The following ENTREP2 variants were observed in gnomAD, a reference collection of about 807,000 sequenced individuals.
ENTREP2 encodes the protein protein ENTREP2.
chr15:29,171,675 A>ATTT, the ENTREP2 span, among the ~76,000 whole-genome samples: 1 of 152,214 alleles, frequency 6.6e-6, no homozygotes, highest in Non-Finnish European at 1.5e-5. Flanking sequence ...TACTCATAAA[A>ATTT]GGTCTCAAGT....
At chr15:29,327,979 T>C in the ENTREP2 span, among the ~76,000 whole-genome samples, 1 of 152,220 alleles carries the variant, frequency 6.6e-6, no homozygotes. Flanking sequence ...AACACCTGCA[T>C]GTGATTGTTT....
At chr15:29,508,025 G>A in the ENTREP2 span, among the ~76,000 whole-genome samples, 1 of 151,992 alleles carries the variant, frequency 6.6e-6, no homozygotes, top group Non-Finnish European at 1.5e-5. Context: ...GAGGAAAAGA[G>A]AGAAAACTCA....
chr15:29,188,870 A>G, the ENTREP2 span, among the ~76,000 whole-genome samples: 598 of 152,296 alleles, frequency 3.9e-3, 7 homozygotes, highest in African/African-American at 0.013. Context: ...CAGCTTAAAT[A>G]AAAGTCCCTG....
chr15:29,157,084 G>A, the ENTREP2 span, among the ~76,000 whole-genome samples: 1 of 152,128 alleles, frequency 6.6e-6, no homozygotes, highest in Non-Finnish European at 1.5e-5. Flanking sequence ...GCGACAAAGC[G>A]AGACTCTGTC....
At chr15:29,237,883 C>T in the ENTREP2 span, among the ~76,000 whole-genome samples, 34 of 152,094 alleles carry the variant, frequency 2.2e-4, no homozygotes, top group African/African-American at 8.0e-4. Context: ...AATATATGCA[C>T]ATAAAAACTT....
At chr15:29,320,184 C>A in the ENTREP2 span, among the ~76,000 whole-genome samples, 3 of 152,100 alleles carry the variant, frequency 2.0e-5, no homozygotes, top group African/African-American at 7.2e-5. Flanking sequence ...GAAATTTCAT[C>A]ATCAGAGTAA....
chr15:29,275,463 G>C, the ENTREP2 span, among the ~76,000 whole-genome samples: 6 of 152,176 alleles, frequency 3.9e-5, no homozygotes, highest in African/African-American at 1.4e-4. Flanking sequence ...TGTTCAGGCA[G>C]TGAAGTCACA....
the ENTREP2 span, among the ~76,000 whole-genome samples, chr15:29,285,239 C>A: frequency 6.6e-6 from 1 of 152,118 alleles, no homozygotes. Context: ...TGGAGGGAGC[C>A]TGAAAAGTGG....
At chr15:29,638,575 G>C in the ENTREP2 span, among the ~76,000 whole-genome samples, 1 of 152,136 alleles carries the variant, frequency 6.6e-6, no homozygotes. Flanking sequence ...GGATTTCTGT[G>C]CAATTAATAA....
the ENTREP2 span, chr15:29,375,666 G>T: frequency 6.6e-6 from 1 of 152,126 alleles, no homozygotes; most frequent in African/African-American, 2.4e-5. Context: ...CTTCCTGGAG[G>T]CCACAAATTA....
At chr15:29,123,972 C>T in the ENTREP2 span, among the ~76,000 whole-genome samples, 1 of 152,232 alleles carries the variant, frequency 6.6e-6, no homozygotes, top group Non-Finnish European at 1.5e-5. Context: ...GTCTTCTCGC[C>T]TCCACGACCT....
chr15:29,482,290 G>A, the ENTREP2 span, among the ~76,000 whole-genome samples: 4 of 151,878 alleles, frequency 2.6e-5, no homozygotes, highest in African/African-American at 9.7e-5. Context: ...GATTACAGGC[G>A]TGAGCCACCA....
At chr15:29,303,459 T>C in the ENTREP2 span, among the ~76,000 whole-genome samples, 1 of 152,206 alleles carries the variant, frequency 6.6e-6, no homozygotes, top group Non-Finnish European at 1.5e-5. Context: ...GGGTTTTTTT[T>C]CAGCCTTTTA....
At chr15:29,389,104 AAAGTAT>A in the ENTREP2 span, among the ~76,000 whole-genome samples, 1 of 151,940 alleles carries the variant, frequency 6.6e-6, no homozygotes, top group African/African-American at 2.4e-5. Flanking sequence ...CCTAGAACTT[AAAGTAT>A]AATTTAAAAA....
the ENTREP2 span, chr15:29,137,304 T>G: frequency 9.9e-7 from 1 of 1,008,042 alleles, no homozygotes; most frequent in Non-Finnish European, 1.4e-6. Flanking sequence ...GCCTGTAATT[T>G]CAACTGTCAA....
chr15:29,265,217 G>C, the ENTREP2 span: 1 of 151,992 alleles, frequency 6.6e-6, no homozygotes. Context: ...CAAGAATAAG[G>C]AATCAGAAAC....
chr15:29,252,445 C>T, the ENTREP2 span: 10 of 1,550,984 alleles, frequency 6.4e-6, 1 homozygote, highest in South Asian at 7.1e-5. Context: ...TTCAGCATTA[C>T]ACACACTGCA....
At chr15:29,130,761 T>G in the ENTREP2 span, among the ~76,000 whole-genome samples, 16 of 152,292 alleles carry the variant, frequency 1.1e-4, no homozygotes, top group Middle Eastern at 6.8e-3. Context: ...GGCCCTTCCC[T>G]GATGTCAGAA....
chr15:29,390,021 G>T, the ENTREP2 span, among the ~76,000 whole-genome samples: 1 of 152,048 alleles, frequency 6.6e-6, no homozygotes, highest in Non-Finnish European at 1.5e-5. Context: ...ATGACGGAGG[G>T]CCTGCAGAAT....
Sources: allele counts gnomAD v4.1 joint callset (sites outside exome capture counted in the v4.1 genomes callset), GRCh38; gene constraint gnomAD v4.1.1; transcripts MANE v1.5; gene names NCBI Gene and HGNC (gene_info 2026-07-23, HGNC 2026-07-21).